UXS1: variants seen among roughly 807,000 people sequenced by gnomAD.
UXS1 encodes UDP-glucuronate decarboxylase 1.
In UXS1, 33 loss-of-function variants were observed where a neutral mutation model predicts 62.6. The ratio of observed to expected loss-of-function variants is 0.53; its 90% CI spans 0.40 to 0.70. The LOEUF is 0.70. UXS1 is among the 30% of genes least tolerant of loss of function. The pLI is 0.00. For synonymous variants in UXS1, 213 were observed against 206.8 expected (o/e 1.03, Z -0.26); for missense variants, 434 against 556.3 (o/e 0.78, Z 2.21).
chr2:106,125,557 G>A lies in UXS1; in HGVS notation c.637+63C>T, dbSNP rs1240694215. ...TCAGAAAAGAACACTGGACTCTTCT[G>A]AGACAGGATGAAAACAGTCCAAGGG... On this transcript the variant is annotated intron_variant, in intron 8 of 14. Transcript: ENST00000283148. 1.9e-5 allele frequency: 27 copies of A among 1,454,746 alleles called. 1 individual carries two copies. Among genetic ancestry groups the A allele is most frequent in the Admixed American group, 7.1e-5 (3 of 42,128 alleles). 90.1% of individuals were successfully genotyped at this position (1,454,746 alleles called of 1,614,324 possible).
chr2:106,145,441 C>T (rs575924854), intron 5 of UXS1, 71 bp from the exon 6 acceptor site: 23 of 1,489,090 alleles, frequency 1.5e-5, no homozygotes, highest in Admixed American at 2.4e-5. Flanking sequence ...ACCAGCTCCA[C>T]GGAGAGACAT....
At chr2:106,176,929 A>G (rs6543380) in intron 1 of UXS1, among the ~76,000 whole-genome samples, 149,073 of 152,204 alleles carry the variant, frequency 0.98, 73,063 homozygotes, top group South Asian at 1. Context: ...TCTGAAATCC[A>G]GCTATAAAAC....
chr2:106,186,841 A>G (rs1397870060), intron 1 of UXS1, among the ~76,000 whole-genome samples: 1 of 152,114 alleles, frequency 6.6e-6, no homozygotes, highest in Admixed American at 6.6e-5. Context: ...CAAAAAAAAA[A>G]TCTCAGAAAG....
intron 8 of UXS1, among the ~76,000 whole-genome samples, chr2:106,123,881 T>C (rs1230992920): frequency 1.3e-5 from 2 of 152,182 alleles, no homozygotes; most frequent in African/African-American, 2.4e-5. Context: ...AAAAGATGCA[T>C]TGTTATAAAT....
intron 5 of UXS1, among the ~76,000 whole-genome samples, chr2:106,145,853 A>G (rs1681517307): frequency 6.6e-6 from 1 of 152,240 alleles, no homozygotes; most frequent in Admixed American, 6.5e-5. Flanking sequence ...TGCAGGAAAA[A>G]CAAATATCTT....
At chr2:106,129,830 AC>A (rs1553426550) in intron 6 of UXS1, 52 bp from the exon 7 acceptor site, 1 of 1,197,364 alleles carries the variant, frequency 8.4e-7, no homozygotes, top group Non-Finnish European at 1.2e-6. Context: ...CCAAAAAAAT[AC>A]TGACCTCCTA....
At chr2:106,178,441 T>C (rs1012052804) in intron 1 of UXS1, among the ~76,000 whole-genome samples, 4 of 152,174 alleles carry the variant, frequency 2.6e-5, no homozygotes, top group African/African-American at 7.2e-5. Flanking sequence ...AGTATGTGTA[T>C]GTATATATGT....
chr2:106,152,181 T>C (rs1682072162), intron 5 of UXS1, among the ~76,000 whole-genome samples: 1 of 152,160 alleles, frequency 6.6e-6, no homozygotes, highest in Admixed American at 6.5e-5. Context: ...TGAAGTAACA[T>C]GTATTCAAGA....
intron 1 of UXS1, chr2:106,183,460 G>A (rs1425461941): frequency 1.3e-5 from 2 of 152,166 alleles, no homozygotes; most frequent in Non-Finnish European, 2.9e-5. Flanking sequence ...AAGTTCAAAC[G>A]TTTTCTGCTG....
At chr2:106,170,050 C>G (rs1573557943) in intron 1 of UXS1, among the ~76,000 whole-genome samples, 1 of 152,166 alleles carries the variant, frequency 6.6e-6, no homozygotes, top group Non-Finnish European at 1.5e-5. Flanking sequence ...CGTGCCCTCT[C>G]CTCCCCAGCT....
intron 1 of UXS1, chr2:106,166,395 A>G (rs991465681): frequency 1.8e-5 from 4 of 226,940 alleles, no homozygotes; most frequent in Non-Finnish European, 3.4e-5. Context: ...GCAGTTTCTA[A>G]GTTATCAAGA....
At chr2:106,140,916 G>C (rs1481603282) in intron 6 of UXS1, among the ~76,000 whole-genome samples, 2 of 152,160 alleles carry the variant, frequency 1.3e-5, no homozygotes, top group Middle Eastern at 3.2e-3. Flanking sequence ...ACAGACGGTG[G>C]AAAAGTAAAT....
chr2:106,098,803 C>A (rs746914827), intron 12 of UXS1, 30 bp from the exon 13 acceptor site: 282 of 1,600,250 alleles, frequency 1.8e-4, no homozygotes, highest in Non-Finnish European at 2.2e-4. Context: ...CAGTTATAAG[C>A]GTCATGACAA....
chr2:106,116,155 G>A (rs1056029718), intron 9 of UXS1, among the ~76,000 whole-genome samples: 3 of 152,108 alleles, frequency 2.0e-5, no homozygotes, highest in African/African-American at 7.2e-5. Flanking sequence ...GAAGGTACAG[G>A]GATTCCTCCC....
chr2:106,130,746 G>T (rs1015988094), intron 6 of UXS1, among the ~76,000 whole-genome samples: 2 of 152,238 alleles, frequency 1.3e-5, no homozygotes, highest in Admixed American at 6.5e-5. Context: ...CAGCAGGTCA[G>T]TCTGGAGGTT....
intron 5 of UXS1, among the ~76,000 whole-genome samples, chr2:106,150,117 G>A (rs375974104): frequency 1.3e-4 from 20 of 152,100 alleles, no homozygotes; most frequent in African/African-American, 4.6e-4. Flanking sequence ...GACATCTGGT[G>A]GAAGAAATTT....
intron 3 of UXS1, among the ~76,000 whole-genome samples, chr2:106,164,427 G>A (rs1683086129): frequency 6.6e-6 from 1 of 152,160 alleles, no homozygotes; most frequent in African/African-American, 2.4e-5. Context: ...CCAGTGAGAG[G>A]ATGTTTGTAC....
At chr2:106,097,589 C>T (rs2104827235) in intron 13 of UXS1, 1 of 240,814 alleles carries the variant, frequency 4.2e-6, no homozygotes, top group South Asian at 6.1e-5. Flanking sequence ...TAGTGTTTCT[C>T]AAGCGTCAGC....
intron 9 of UXS1, among the ~76,000 whole-genome samples, chr2:106,113,275 T>C (rs1678771572): frequency 6.6e-6 from 1 of 151,650 alleles, no homozygotes; most frequent in South Asian, 2.1e-4. Context: ...CTGAGTGAGC[T>C]TGCATCTACA....
Sources: allele counts gnomAD v4.1 joint callset (sites outside exome capture counted in the v4.1 genomes callset), GRCh38; gene constraint gnomAD v4.1.1; transcripts MANE v1.5; gene names NCBI Gene and HGNC (gene_info 2026-07-23, HGNC 2026-07-21).